Variants in BEND7 observed in about 807,000 individuals in gnomAD.
BEND7 encodes BEN domain containing 7, also known as BEN domain-containing protein 7.
Under a neutral mutation model 50.9 loss-of-function variants are expected in BEND7, and 28 were observed. The observed-to-expected ratio is 0.55, with a 90% CI of 0.41 to 0.75. The LOEUF is 0.75. Ranked by LOEUF, BEND7 falls within the 30% of genes least tolerant of loss-of-function variation. The probability of loss-of-function intolerance (pLI) is 0.00; values close to 1 mark genes in which losing one functional copy is unlikely to be tolerated. For missense variants in BEND7, 477 were observed against 491.3 expected, an observed-to-expected ratio of 0.97 and a Z score of 0.28; for synonymous variants, 170 against 183.9, an observed-to-expected ratio of 0.92 and a Z score of 0.61.
Position 13,517,076 on chromosome 10 carries a change from T to C in BEND7, c.145+9062A>G, listed in dbSNP as rs989761101. ...GGGTTTTCTGGTGGCTTTTTTTTTT[T>C]TTTTTTTGAGACAGGATCTCACTTG... On this transcript the variant is annotated intron_variant, in intron 2 of 8. Coordinates refer to ENST00000466271, the MANE Select transcript of BEND7 (RefSeq NM_001369863.1). Among the ~76,000 whole-genome samples, 427 of 151,510 alleles carry C rather than the reference T, an allele frequency of 2.8e-3. 4 individuals are homozygous for C. The highest frequency in any genetic ancestry group is 0.01 in the Middle Eastern group (3 of 288).
downstream of BEND7, among the ~76,000 whole-genome samples, chr10:13,439,862 C>G (rs1173193345): frequency 6.6e-6 from 1 of 152,266 alleles, no homozygotes; most frequent in Non-Finnish European, 1.5e-5. Flanking sequence ...GTCCCAGCCC[C>G]TCGGCATGGC....
Position 13,492,644 on chromosome 10 carries a change from T to A in BEND7, c.804A>T (p.Gly268=), listed in dbSNP as rs2076743693. ...HTSPEESRVL[G]FGIVLESPSS... ...AAGGTGATTCCAGAACAATGCCGAA[T>A]CCTAGAACGCGGCTCTCCTCCGGGG... is the stretch of plus-strand genomic sequence containing the variant. The change falls in exon 5 of 9, where the codon GGA becomes GGT. Residue 268 remains glycine, a synonymous_variant. Transcript: ENST00000466271. 1 of 1,613,956 alleles carries A rather than the reference T, an allele frequency of 6.2e-7. No individual in the cohort carries two copies. The highest frequency in any genetic ancestry group is 1.3e-5 in the African/African-American group (1 of 74,928).
At chr10:13,525,172 T>A (rs2132772483) in intron 2 of BEND7, among the ~76,000 whole-genome samples, 1 of 152,208 alleles carries the variant, frequency 6.6e-6, no homozygotes, top group East Asian at 1.9e-4. Context: ...ATTGCAGAGG[T>A]CCAAGATGGA....
intron 2 of BEND7, among the ~76,000 whole-genome samples, chr10:13,505,811 A>T (rs2077840872): frequency 6.6e-6 from 1 of 152,166 alleles, no homozygotes; most frequent in South Asian, 2.1e-4. Context: ...TCCTGGTAAC[A>T]GTCACCCTGT....
intron 6 of BEND7, among the ~76,000 whole-genome samples, chr10:13,470,241 T>C (rs1444758758): frequency 6.6e-6 from 1 of 152,224 alleles, no homozygotes; most frequent in East Asian, 1.9e-4. Context: ...TTGTTCAGAT[T>C]AGAAAGGTGT....
intron 3 of BEND7, among the ~76,000 whole-genome samples, chr10:13,497,921 T>A (rs2077139357): frequency 6.6e-6 from 1 of 152,200 alleles, no homozygotes; most frequent in Non-Finnish European, 1.5e-5. Flanking sequence ...AGCAAAACCA[T>A]GAAATACTTC....
intron 6 of BEND7, among the ~76,000 whole-genome samples, chr10:13,455,321 C>T (rs1007299734): frequency 4.0e-5 from 6 of 151,808 alleles, no homozygotes; most frequent in African/African-American, 1.2e-4. Flanking sequence ...CAGAAGAGCA[C>T]ATGAAGGGGC....
At chr10:13,445,499 G>T (rs1414925998) in intron 8 of BEND7, 1 of 152,070 alleles carries the variant, frequency 6.6e-6, no homozygotes, top group East Asian at 1.9e-4. Flanking sequence ...CGGCCAGGCC[G>T]TCAACCAGCT....
chr10:13,505,275 G>A (rs2077789010), intron 2 of BEND7, among the ~76,000 whole-genome samples: 1 of 152,186 alleles, frequency 6.6e-6, no homozygotes, highest in Non-Finnish European at 1.5e-5. Flanking sequence ...AGGACAGCTA[G>A]ATGCAGCCTG....
chr10:13,518,868 C>T (rs1052893922), intron 2 of BEND7, among the ~76,000 whole-genome samples: 5 of 152,344 alleles, frequency 3.3e-5, no homozygotes, highest in Middle Eastern at 6.8e-3. Context: ...ATTTAAATCA[C>T]ATATCTGAGG....
chr10:13,441,093 TTAAAG>T lies in BEND7; in HGVS notation c.*645_*649del. 11 of 985,336 alleles carry T rather than the reference TTAAAG, an allele frequency of 1.1e-5. No homozygotes were observed. The highest frequency in any genetic ancestry group is 4.7e-5 in the South Asian group (1 of 21,278). 61.0% of individuals were successfully genotyped at this position (985,336 alleles called of 1,614,324 possible). A position where few individuals can be genotyped will look rare whatever the true frequency, so the allele number is the denominator to read the frequency against. On this transcript the variant is annotated 3_prime_UTR_variant, in exon 9 of 9. Transcript: ENST00000466271. ...AGGCAAGATCCGCACGCACGTTCAA[TTAAAG>T]TAATTTATTGTATTCTTCCAGATCA...
chr10:13,500,666 G>A (rs931577633), intron 2 of BEND7: 22 of 985,684 alleles, frequency 2.2e-5, no homozygotes, highest in Admixed American at 6.1e-5. Flanking sequence ...ACACGCTGCC[G>A]CTGGAGACAT....
rs1211929538 is a variant in BEND7, at chr10:13,447,190, A to C, written c.1234+76T>G. On this transcript the variant is annotated intron_variant, in intron 8 of 8. Transcript: ENST00000466271. ...CAAGTGTCTGCATGTCTAATGTTAA[A>C]ATCGTTTTCAATGCAAATAGTTTTG... 3 of 1,475,850 alleles carry C rather than the reference A, an allele frequency of 2.0e-6. No individual in the cohort carries two copies. In the East Asian group the frequency reaches 6.8e-5, roughly 33 times the overall value. The allele number at this position is 1,475,850 out of a possible 1,614,324, so 91.4% of individuals were successfully genotyped here.
At chr10:13,463,831 A>G (rs987888194) in intron 6 of BEND7, among the ~76,000 whole-genome samples, 19 of 152,208 alleles carry the variant, frequency 1.2e-4, no homozygotes, top group African/African-American at 4.6e-4. Flanking sequence ...GTCATTGACA[A>G]AAAAACTCCA....
chr10:13,459,455 CAT>C (rs1264506561), intron 6 of BEND7: 3 of 152,156 alleles, frequency 2.0e-5, no homozygotes, highest in East Asian at 1.9e-4. Context: ...AAAGTGGAAA[CAT>C]ATAAATTGTA....
At chr10:13,461,434 T>C (rs987299877) in intron 6 of BEND7, among the ~76,000 whole-genome samples, 1 of 152,140 alleles carries the variant, frequency 6.6e-6, no homozygotes, top group African/African-American at 2.4e-5. Flanking sequence ...AAAGGTTCCT[T>C]AGAAAATTCT....
intron 5 of BEND7, among the ~76,000 whole-genome samples, chr10:13,483,589 T>C (rs1255644527): frequency 6.6e-6 from 1 of 152,254 alleles, no homozygotes; most frequent in African/African-American, 2.4e-5. Flanking sequence ...TCAGCACACC[T>C]GTGTCTTCTA....
chr10:13,509,472 C>T (rs1301643358), intron 2 of BEND7, among the ~76,000 whole-genome samples: 1 of 152,150 alleles, frequency 6.6e-6, no homozygotes, highest in African/African-American at 2.4e-5. Flanking sequence ...TCTTCAGCAT[C>T]GCCAGCTACA....
At chr10:13,439,208 C>T, downstream of BEND7, 1 of 1,614,026 alleles carries the variant, frequency 6.2e-7, no homozygotes, top group Non-Finnish European at 8.5e-7. Flanking sequence ...GGGTAAGAGA[C>T]TTGGCTGAGC....
Sources: gnomAD v4.1 joint callset for allele counts (sites outside exome capture counted in the v4.1 genomes callset) on GRCh38, gnomAD v4.1.1 for gene constraint, MANE v1.5 for transcripts, NCBI Gene and HGNC (gene_info 2026-07-23, HGNC 2026-07-21) for gene names.